Variants in VAV3 observed in about 807,000 individuals in gnomAD.
The protein encoded by VAV3 is vav guanine nucleotide exchange factor 3.
Under a neutral mutation model 131.2 loss-of-function variants are expected in VAV3, and 94 were observed. That is an observed-to-expected ratio of 0.72 (90% CI 0.61 to 0.85). The LOEUF is 0.85. Among genes scored for constraint, VAV3 ranks in the 40% least tolerant of loss-of-function variants. The pLI, the probability that VAV3 is intolerant of heterozygous loss-of-function variation, is 0.00. For synonymous variants in VAV3, 349 were observed against 342.0 expected, an observed-to-expected ratio of 1.02 and a Z score of -0.22; for missense variants, 939 against 1,002.7, an observed-to-expected ratio of 0.94 and a Z score of 0.86.
chr1:107,705,354 GAAAAA>G, intron 15 of VAV3, among the ~76,000 whole-genome samples: 1 of 129,452 alleles, frequency 7.7e-6, no homozygotes, highest in African/African-American at 2.8e-5. Context: ...AACCTGCCTG[GAAAAA>G]AAAAAAAAAA....
At chr1:107,777,322 C>T (rs1410330271) in intron 3 of VAV3, 26 bp from the exon 4 acceptor site, 1 of 1,604,470 alleles carries the variant, frequency 6.2e-7, no homozygotes, top group Non-Finnish European at 8.5e-7. Context: ...AAAACAAAAA[C>T]AAAAAAACAA....
chr1:107,776,480 C>T (rs1570937440), intron 4 of VAV3, among the ~76,000 whole-genome samples: 3 of 152,232 alleles, frequency 2.0e-5, no homozygotes, highest in South Asian at 4.1e-4. Flanking sequence ...AAAACTTGAA[C>T]GCTGAGGGAT....
intron 2 of VAV3, among the ~76,000 whole-genome samples, chr1:107,871,345 C>G (rs345318): frequency 0.81 from 120,763 of 148,210 alleles, 50,003 homozygotes; most frequent in Non-Finnish European, 0.89. Context: ...CCTCTCCCCC[C>G]ACCAGACCTC....
intron 15 of VAV3, among the ~76,000 whole-genome samples, chr1:107,733,186 C>T (rs970537153): frequency 4.6e-5 from 7 of 152,142 alleles, no homozygotes; most frequent in African/African-American, 1.7e-4. Flanking sequence ...AAAGGAATAG[C>T]ATCAACATCA....
intron 1 of VAV3, among the ~76,000 whole-genome samples, chr1:107,928,233 CA>C (rs1018350756): frequency 2.4e-4 from 36 of 152,182 alleles, no homozygotes; most frequent in Admixed American, 1.1e-3. Flanking sequence ...AATGCAGATA[CA>C]GCCTAGATCA....
intron 19 of VAV3, chr1:107,669,481 G>A: frequency 1.6e-6 from 2 of 1,282,254 alleles, no homozygotes; most frequent in South Asian, 2.5e-5. Flanking sequence ...ATCTAATAAA[G>A]ACAAGAAAGA....
At position 107,745,511 on chromosome 1, in the gene VAV3, G is replaced by A. The variant is rs141328550; in HGVS notation, c.1502+3457C>T. Among the ~76,000 whole-genome samples the A allele has an allele frequency of 4.5e-3, 687 of 152,248 alleles. 4 individuals carry two copies. The highest frequency in any genetic ancestry group is 7.5e-3 in the Non-Finnish European group (513 of 68,022). On this transcript the variant is annotated intron_variant, in intron 15 of 26. Transcript: ENST00000370056. ...TGGTTCACTGCATATTTTAAATGCT[G>A]GAAGTGGTTATGGCCAAAGAAGGTC...
At chr1:107,885,807 C>T (rs1474778450) in intron 1 of VAV3, among the ~76,000 whole-genome samples, 1 of 152,264 alleles carries the variant, frequency 6.6e-6, no homozygotes, top group East Asian at 1.9e-4. Flanking sequence ...GCTCCCAAAC[C>T]ATGCCTTTAA....
intron 20 of VAV3, among the ~76,000 whole-genome samples, chr1:107,622,493 A>G (rs1368384187): frequency 6.6e-6 from 1 of 152,228 alleles, no homozygotes; most frequent in Non-Finnish European, 1.5e-5. Context: ...TGCTTTGAGA[A>G]AAATACAGTG....
intron 6 of VAV3, among the ~76,000 whole-genome samples, chr1:107,770,204 C>T (rs1029496402): frequency 2.0e-5 from 3 of 152,080 alleles, no homozygotes; most frequent in Non-Finnish European, 4.4e-5. Flanking sequence ...CGGCTTATAC[C>T]CTCAGTTCAC....
In VAV3 at chr1:107,801,063, T is replaced by C. The variant is rs529638548; in HGVS notation, c.322-21571A>G. Among the ~76,000 whole-genome samples, 268 of 152,290 alleles carry C rather than the reference T, an allele frequency of 1.8e-3. 1 individual carries two copies. In the South Asian group the frequency reaches 0.022, roughly 12 times the overall value. On this transcript the variant is annotated intron_variant, in intron 2 of 26. Transcript: ENST00000370056. ...TATCCAGTTTTCCCAGTACTACTTA[T>C]TAAAGAAACCACCTTTTGCCCACTG...
At chr1:107,721,576 A>G (rs1269914286) in intron 15 of VAV3, among the ~76,000 whole-genome samples, 2 of 152,194 alleles carry the variant, frequency 1.3e-5, no homozygotes, top group African/African-American at 2.4e-5. Flanking sequence ...GGAAGGAAAG[A>G]AACATGATGA....
chr1:107,678,144 G>A (rs1455982052), intron 19 of VAV3: 1 of 151,796 alleles, frequency 6.6e-6, no homozygotes, highest in Non-Finnish European at 1.5e-5. Flanking sequence ...AAAAACCAGA[G>A]CATGCTCCTC....
chr1:107,733,446 C>G (rs1288652152), intron 15 of VAV3, among the ~76,000 whole-genome samples: 10 of 152,148 alleles, frequency 6.6e-5, no homozygotes, highest in Non-Finnish European at 1.3e-4. Flanking sequence ...CTTCTCCAAG[C>G]TAAAGGAGGA....
chr1:107,937,975 A>T (rs1673805912), intron 1 of VAV3, among the ~76,000 whole-genome samples: 1 of 152,180 alleles, frequency 6.6e-6, no homozygotes, highest in Non-Finnish European at 1.5e-5. Flanking sequence ...AAAATAGAAA[A>T]ATGAAATCAT....
At chr1:107,718,118 C>A (rs557496452) in intron 15 of VAV3, among the ~76,000 whole-genome samples, 38 of 152,244 alleles carry the variant, frequency 2.5e-4, no homozygotes, top group African/African-American at 9.1e-4. Context: ...TGGGAAAAAA[C>A]TGGAAGCATT....
intron 1 of VAV3, among the ~76,000 whole-genome samples, chr1:107,935,304 A>T (rs1673653047): frequency 6.6e-6 from 1 of 152,172 alleles, no homozygotes; most frequent in Admixed American, 6.5e-5. Context: ...CCTAAGATAA[A>T]CCTCTAGAAA....
chr1:107,711,412 A>AT (rs967986608), intron 15 of VAV3, among the ~76,000 whole-genome samples: 7 of 151,988 alleles, frequency 4.6e-5, no homozygotes, highest in South Asian at 4.1e-4. Flanking sequence ...TATAAATCAC[A>AT]TTTTTTTTAA....
chr1:107,889,664 T>C (rs748285765), intron 1 of VAV3, among the ~76,000 whole-genome samples: 1 of 152,076 alleles, frequency 6.6e-6, no homozygotes, highest in Non-Finnish European at 1.5e-5. Context: ...CTTACAAGAG[T>C]AGAGTGGCAA....
Sources: gnomAD v4.1 joint callset for allele counts (sites outside exome capture counted in the v4.1 genomes callset) on GRCh38, gnomAD v4.1.1 for gene constraint, MANE v1.5 for transcripts, NCBI Gene and HGNC (gene_info 2026-07-23, HGNC 2026-07-21) for gene names.